Variants in EBF1 observed in about 807,000 individuals in gnomAD.
The protein encoded by EBF1 is EBF transcription factor 1.
In EBF1, 10 loss-of-function variants were observed where a neutral mutation model predicts 68.4. The ratio of observed to expected loss-of-function variants is 0.15; its 90% CI spans 0.09 to 0.25. The LOEUF (loss-of-function observed/expected upper bound fraction) is 0.25. Ranked by LOEUF, EBF1 falls within the 10% of genes least tolerant of loss-of-function variation. EBF1 has a pLI of 1.00. For missense variants in EBF1, 509 were observed against 794.4 expected, an observed-to-expected ratio of 0.64 and a Z score of 4.32; for synonymous variants, 298 against 299.8, an observed-to-expected ratio of 0.99 and a Z score of 0.06.
chr5:158,796,792 A>G (rs1012188901), intron 8 of EBF1, among the ~76,000 whole-genome samples: 2 of 152,216 alleles, frequency 1.3e-5, no homozygotes, highest in African/African-American at 4.8e-5. Context: ...TTCTTATTAA[A>G]TATGGGTGAC....
At chr5:158,900,702 A>G (rs573127422) in intron 6 of EBF1, among the ~76,000 whole-genome samples, 1 of 152,234 alleles carries the variant, frequency 6.6e-6, no homozygotes, top group African/African-American at 2.4e-5. Context: ...TATCAACTGC[A>G]ACAGCAACTG....
intron 6 of EBF1, among the ~76,000 whole-genome samples, chr5:158,900,613 C>CA (rs2127292783): frequency 6.6e-6 from 1 of 152,328 alleles, no homozygotes; most frequent in African/African-American, 2.4e-5. Flanking sequence ...GTCACTGCCT[C>CA]AGCAGGGAGG....
chr5:158,712,443 G>T, intron 13 of EBF1, 110 bp from the exon 14 acceptor site: 2 of 1,237,946 alleles, frequency 1.6e-6, no homozygotes, highest in Non-Finnish European at 2.3e-6. Flanking sequence ...CCGCAACCCA[G>T]AGGGAAGGGA....
At chr5:159,058,360 G>C (rs1351007204) in intron 6 of EBF1, among the ~76,000 whole-genome samples, 1 of 152,200 alleles carries the variant, frequency 6.6e-6, no homozygotes, top group Non-Finnish European at 1.5e-5. Context: ...CACAGAGCTA[G>C]CTTAATAAGC....
intron 6 of EBF1, among the ~76,000 whole-genome samples, chr5:159,011,250 A>C (rs1459903518): frequency 6.6e-6 from 1 of 152,230 alleles, no homozygotes; most frequent in Non-Finnish European, 1.5e-5. Context: ...CTGATTTCTA[A>C]AATGGTCTAA....
chr5:158,819,643 T>TG (rs998514480), intron 8 of EBF1, among the ~76,000 whole-genome samples: 95 of 152,306 alleles, frequency 6.2e-4, no homozygotes, highest in Admixed American at 1.6e-3. Context: ...AACATAGCCT[T>TG]GTGGCAGCCA....
chr5:158,859,915 T>A (rs900405542), intron 6 of EBF1, among the ~76,000 whole-genome samples: 2 of 152,244 alleles, frequency 1.3e-5, no homozygotes, highest in Non-Finnish European at 2.9e-5. Context: ...ATTTTAACCG[T>A]CTATGTGAAG....
intron 6 of EBF1, among the ~76,000 whole-genome samples, chr5:159,004,083 C>T (rs1252750569): frequency 6.6e-6 from 1 of 152,088 alleles, no homozygotes; most frequent in Non-Finnish European, 1.5e-5. Flanking sequence ...TTGAGACCAG[C>T]CTGGGCAACA....
intron 6 of EBF1, among the ~76,000 whole-genome samples, chr5:159,027,398 C>G (rs886298518): frequency 3.9e-5 from 6 of 152,192 alleles, no homozygotes; most frequent in Non-Finnish European, 7.4e-5. Flanking sequence ...GACCACTGTT[C>G]ATCCCCAGAC....
intron 6 of EBF1, among the ~76,000 whole-genome samples, chr5:158,885,701 G>A (rs1028912086): frequency 1.3e-5 from 2 of 152,100 alleles, no homozygotes; most frequent in Non-Finnish European, 2.9e-5. Flanking sequence ...TTACAGATAT[G>A]GAAACAAGGT....
chr5:158,849,922 C>CT (rs1420244905), intron 6 of EBF1, among the ~76,000 whole-genome samples: 3 of 152,178 alleles, frequency 2.0e-5, no homozygotes, highest in Non-Finnish European at 2.9e-5. Context: ...TTTCTATGCT[C>CT]TAAGATTTAC....
intron 6 of EBF1, among the ~76,000 whole-genome samples, chr5:158,955,797 GAGT>G (rs1187719813): frequency 2.0e-5 from 3 of 152,286 alleles, no homozygotes; most frequent in African/African-American, 7.2e-5. Flanking sequence ...AACCCTCAAA[GAGT>G]AGAAGTGTGC....
chr5:159,034,146 G>A (rs1306088551), intron 6 of EBF1, among the ~76,000 whole-genome samples: 1 of 152,028 alleles, frequency 6.6e-6, no homozygotes, highest in Non-Finnish European at 1.5e-5. Flanking sequence ...TGATTTTATT[G>A]GGCTTATTTT....
chr5:159,058,999 C>T (rs1254112536), intron 6 of EBF1, among the ~76,000 whole-genome samples: 1 of 152,186 alleles, frequency 6.6e-6, no homozygotes, highest in Non-Finnish European at 1.5e-5. Flanking sequence ...AGGGACATGG[C>T]CACTTCTGCC....
intron 6 of EBF1, among the ~76,000 whole-genome samples, chr5:159,022,162 C>T (rs1189531813): frequency 6.6e-6 from 1 of 151,588 alleles, no homozygotes; most frequent in African/African-American, 2.4e-5. Flanking sequence ...TTGCAACAAG[C>T]ACTGTTGCTT....
At chr5:158,948,330 A>G (rs910378882) in intron 6 of EBF1, among the ~76,000 whole-genome samples, 1 of 152,060 alleles carries the variant, frequency 6.6e-6, no homozygotes, top group Non-Finnish European at 1.5e-5. Flanking sequence ...TACAGGATAT[A>G]AATAGAGTGA....
At chr5:159,079,567 T>C (rs1779376954) in intron 5 of EBF1, among the ~76,000 whole-genome samples, 2 of 151,772 alleles carry the variant, frequency 1.3e-5, no homozygotes, top group African/African-American at 4.8e-5. Flanking sequence ...GCACTTATTA[T>C]ATGACTCCCC....
intron 6 of EBF1, among the ~76,000 whole-genome samples, chr5:159,029,695 C>T (rs1768375531): frequency 6.6e-6 from 1 of 151,866 alleles, no homozygotes; most frequent in Non-Finnish European, 1.5e-5. Context: ...TGGCTCATGC[C>T]TGTAATCCTA....
At chr5:159,046,052 T>G (rs1772323742) in intron 6 of EBF1, among the ~76,000 whole-genome samples, 1 of 152,126 alleles carries the variant, frequency 6.6e-6, no homozygotes, top group South Asian at 2.1e-4. Flanking sequence ...CCCAAATTGA[T>G]CTCCTTGCCT....
Sources: allele counts gnomAD v4.1 joint callset (sites outside exome capture counted in the v4.1 genomes callset), GRCh38; gene constraint gnomAD v4.1.1; transcripts MANE v1.5; gene names NCBI Gene and HGNC (gene_info 2026-07-23, HGNC 2026-07-21).